Variants in HIRA observed in about 807,000 individuals in gnomAD.
HIRA encodes protein HIRA.
In HIRA, 13 loss-of-function variants were observed where a neutral mutation model predicts 126.6. The observed-to-expected ratio is 0.10, with a 90% CI of 0.07 to 0.16. HIRA has a LOEUF of 0.16. HIRA is among the 10% of genes least tolerant of loss of function. The pLI, the probability that HIRA is intolerant of heterozygous loss-of-function variation, is 1.00. For synonymous variants in HIRA, 511 were observed against 520.0 expected, an observed-to-expected ratio of 0.98 and a Z score of 0.24; for missense variants, 834 against 1,314.4, an observed-to-expected ratio of 0.63 and a Z score of 5.65.
intron 9 of HIRA, among the ~76,000 whole-genome samples, chr22:19,391,196 T>C (rs866706620): frequency 5.3e-5 from 8 of 152,180 alleles, no homozygotes; most frequent in Admixed American, 3.3e-4. Context: ...TGCAGCAACA[T>C]ACACGAATCT....
At chr22:19,387,001 C>T (rs2089133292) in intron 11 of HIRA, among the ~76,000 whole-genome samples, 1 of 152,236 alleles carries the variant, frequency 6.6e-6, no homozygotes, top group African/African-American at 2.4e-5. Flanking sequence ...TGGGCTTTCA[C>T]AGAGCTCCCT....
intron 24 of HIRA, among the ~76,000 whole-genome samples, chr22:19,347,831 T>C (rs1556009356): frequency 1.3e-5 from 2 of 152,078 alleles, no homozygotes; most frequent in Non-Finnish European, 2.9e-5. Context: ...TCCAGCTACT[T>C]GGGAGGCTGA....
intron 3 of HIRA, among the ~76,000 whole-genome samples, chr22:19,407,622 G>A (rs562492608): frequency 1.3e-5 from 2 of 152,334 alleles, no homozygotes; most frequent in African/African-American, 4.8e-5. Context: ...ACATTTCTGA[G>A]TAGAGATTAT....
At chr22:19,369,949 A>AAC (rs1402836704) in intron 15 of HIRA, among the ~76,000 whole-genome samples, 1 of 152,022 alleles carries the variant, frequency 6.6e-6, no homozygotes, top group African/African-American at 2.4e-5. Flanking sequence ...CAAACAAACA[A>AAC]AGAAAATCTC....
At chr22:19,372,467 A>G (rs2088975319) in intron 15 of HIRA, among the ~76,000 whole-genome samples, 1 of 152,078 alleles carries the variant, frequency 6.6e-6, no homozygotes, top group Non-Finnish European at 1.5e-5. Flanking sequence ...TATTTATATA[A>G]TTTAAATTCT....
intron 11 of HIRA, among the ~76,000 whole-genome samples, chr22:19,386,491 C>A (rs1399433924): frequency 6.6e-6 from 1 of 152,394 alleles, no homozygotes; most frequent in Non-Finnish European, 1.5e-5. Context: ...ATCTGCTTTA[C>A]AGCAGAGCAT....
intron 15 of HIRA, among the ~76,000 whole-genome samples, chr22:19,366,373 A>C (rs2088913590): frequency 6.6e-6 from 1 of 152,274 alleles, no homozygotes; most frequent in Non-Finnish European, 1.5e-5. Flanking sequence ...AAAAAACAAA[A>C]AAACATTTTG....
chr22:19,384,048 G>C (rs2089100848), intron 12 of HIRA, among the ~76,000 whole-genome samples: 1 of 152,110 alleles, frequency 6.6e-6, no homozygotes, highest in East Asian at 1.9e-4. Flanking sequence ...GCCAGGCACG[G>C]TGGCTCACGC....
At chr22:19,422,675 T>A (rs369670468) in intron 1 of HIRA, among the ~76,000 whole-genome samples, 76 of 152,240 alleles carry the variant, frequency 5.0e-4, no homozygotes, top group African/African-American at 1.7e-3. Flanking sequence ...GGAATGCTCT[T>A]CCCTCAGATG....
At chr22:19,348,453 A>G (rs2088713324) in intron 24 of HIRA, among the ~76,000 whole-genome samples, 2 of 152,164 alleles carry the variant, frequency 1.3e-5, no homozygotes, top group East Asian at 3.9e-4. Flanking sequence ...AAAAGCCTAA[A>G]TTAAAAATCT....
At chr22:19,380,340 G>T (rs2089061385) in intron 13 of HIRA, among the ~76,000 whole-genome samples, 1 of 152,104 alleles carries the variant, frequency 6.6e-6, no homozygotes. Context: ...TTTCTAGGAG[G>T]TGCCATGTAG....
At chr22:19,381,897 T>A (rs186426224) in intron 13 of HIRA, among the ~76,000 whole-genome samples, 32 of 152,348 alleles carry the variant, frequency 2.1e-4, no homozygotes. Flanking sequence ...GCCATCTTAG[T>A]CCGGTGGCTT....
chr22:19,397,066 C>A, intron 6 of HIRA, 119 bp from the exon 7 acceptor site: 1 of 844,674 alleles, frequency 1.2e-6, no homozygotes, highest in Non-Finnish European at 1.9e-6. Context: ...GGCCAGCCCC[C>A]ACACCAGACA....
At chr22:19,370,623 A>C (rs985081126) in intron 15 of HIRA, among the ~76,000 whole-genome samples, 4 of 152,190 alleles carry the variant, frequency 2.6e-5, no homozygotes, top group African/African-American at 9.7e-5. Context: ...CACATCAAGA[A>C]AGTATCTGCA....
chr22:19,400,457 T>C (rs759001488), intron 5 of HIRA, among the ~76,000 whole-genome samples: 16 of 152,186 alleles, frequency 1.1e-4, no homozygotes, highest in Non-Finnish European at 2.2e-4. Flanking sequence ...CCTCTTTCAG[T>C]GTTACGAGTT....
At position 19,423,480 on chromosome 22, in the gene HIRA, C is replaced by CAT. The variant is rs1157035277; in HGVS notation, c.37+7958_37+7959dup. Among the ~76,000 whole-genome samples, 18 of 106,906 alleles carry CAT rather than the reference C, an allele frequency of 1.7e-4. No individual in the cohort carries two copies. The East Asian group carries it at 3.7e-3, about 22-fold the overall frequency. 70.1% of individuals were successfully genotyped at this position (106,906 alleles called of 152,430 possible). A position where few individuals can be genotyped will look rare whatever the true frequency, so the allele number is the denominator to read the frequency against. On this transcript the variant is annotated intron_variant, in intron 1 of 24. Coordinates refer to ENST00000263208, the MANE Select transcript of HIRA (RefSeq NM_003325.4). The stretch of plus-strand genomic sequence containing the variant: ...ATACACACACTGACTCACACACATG[C>CAT]ATACACACACACACACACACACACA...
chr22:19,332,735 A>C (rs2146501590), intron 24 of HIRA, among the ~76,000 whole-genome samples: 1 of 151,840 alleles, frequency 6.6e-6, no homozygotes, highest in South Asian at 2.1e-4. Context: ...AACATGAAAG[A>C]ATGACAAGCC....
At chr22:19,369,025 G>A (rs1171016857) in intron 15 of HIRA, among the ~76,000 whole-genome samples, 2 of 152,214 alleles carry the variant, frequency 1.3e-5, no homozygotes, top group Non-Finnish European at 2.9e-5. Context: ...ATCCCTGGGA[G>A]CACCAGGTAA....
chr22:19,379,742 C>A (rs2089055142), intron 13 of HIRA, among the ~76,000 whole-genome samples: 2 of 139,992 alleles, frequency 1.4e-5, no homozygotes, highest in African/African-American at 2.7e-5. Flanking sequence ...TTGTAAAAAT[C>A]ATTTACATAT....
Sources: allele counts gnomAD v4.1 joint callset (sites outside exome capture counted in the v4.1 genomes callset), GRCh38; gene constraint gnomAD v4.1.1; transcripts MANE v1.5; gene names NCBI Gene and HGNC (gene_info 2026-07-23, HGNC 2026-07-21).